The following KLHL2 variants were observed in gnomAD, a reference collection of about 807,000 sequenced individuals.
KLHL2 encodes the protein kelch like family member 2.
A neutral mutation model predicts 75.8 loss-of-function variants in KLHL2; 15 were observed. The ratio of observed to expected loss-of-function variants is 0.20; its 90% confidence interval spans 0.13 to 0.30. KLHL2 has a LOEUF of 0.30. Ranked by LOEUF, KLHL2 falls within the 10% of genes least tolerant of loss-of-function variation. KLHL2 has a pLI of 1.00. For missense variants in KLHL2, 381 were observed against 741.0 expected, an observed-to-expected ratio of 0.51 and a Z score of 5.64; for synonymous variants, 214 against 251.9, an observed-to-expected ratio of 0.85 and a Z score of 1.42.
intron 13 of KLHL2, 62 bp from the exon 14 acceptor site, chr4:165,317,764 A>C (rs2126588294): frequency 7.8e-7 from 1 of 1,274,418 alleles, no homozygotes; most frequent in African/African-American, 1.5e-5. Flanking sequence ...AAACATGTAC[A>C]GTGATACTCA....
intron 5 of KLHL2, among the ~76,000 whole-genome samples, chr4:165,274,077 C>A (rs1161363426): frequency 1.3e-5 from 2 of 151,850 alleles, no homozygotes; most frequent in African/African-American, 4.9e-5. Context: ...TTTTCTTTTT[C>A]TTTTTCTTTT....
chr4:165,242,110 T>C (rs1401332994), intron 4 of KLHL2, among the ~76,000 whole-genome samples: 1 of 152,210 alleles, frequency 6.6e-6, no homozygotes, highest in Admixed American at 6.5e-5. Flanking sequence ...TTTACAGGTT[T>C]TTTTTTAAAG....
chr4:165,264,765 T>TATAA lies in KLHL2; in HGVS notation c.544+1407_544+1408insTAAA, dbSNP rs1477707346. On this transcript the variant is annotated intron_variant, in intron 5 of 14. Transcript: ENST00000226725. ...GTATATATATATATATATATATATA[T>TATAA]AAAACATTATCCACTCATTGGCTGA... 2.5e-3 allele frequency among the ~76,000 whole-genome samples: 231 copies of TATAA among 94,044 alleles called. 3 individuals carry two copies. The highest frequency in any genetic ancestry group is 3.3e-3 in the Non-Finnish European group (165 of 50,246). 61.7% of individuals were successfully genotyped at this position (94,044 alleles called of 152,430 possible).
At chr4:165,297,775 C>A (rs747366677) in intron 7 of KLHL2, 50 bp downstream of exon 7, 1 of 1,063,934 alleles carries the variant, frequency 9.4e-7, no homozygotes, top group South Asian at 1.2e-5. Context: ...GTGTCACTGG[C>A]CTGACAGCAT....
At position 165,296,547 on chromosome 4, in the gene KLHL2, G is replaced by T. The variant is rs577940353; in HGVS notation, c.655-1062G>T. ...TTACTATATAAGGGTATGGATCTGG[G>T]AGATGTGGTTTATTAGGAGGCTATC... On this transcript the variant is annotated intron_variant, in intron 6 of 14. Transcript: ENST00000226725. Among the ~76,000 whole-genome samples the T allele has an allele frequency of 2.6e-4, 39 of 152,294 alleles. 1 individual carries two copies. In the South Asian group the frequency reaches 7.7e-3, roughly 30 times the overall value.
At chr4:165,270,940 G>A (rs913476389) in intron 5 of KLHL2, among the ~76,000 whole-genome samples, 3 of 152,124 alleles carry the variant, frequency 2.0e-5, no homozygotes, top group East Asian at 1.9e-4. Flanking sequence ...ATGCTTTGTC[G>A]AAGATCAGTT....
intron 5 of KLHL2, among the ~76,000 whole-genome samples, chr4:165,269,865 TG>T (rs1742546554): frequency 6.6e-6 from 1 of 152,182 alleles, no homozygotes; most frequent in African/African-American, 2.4e-5. Context: ...AATGTTGGCC[TG>T]CCTTGCTAGG....
chr4:165,291,579 G>T (rs1183809483), intron 5 of KLHL2, among the ~76,000 whole-genome samples: 1 of 152,158 alleles, frequency 6.6e-6, no homozygotes, highest in Admixed American at 6.6e-5. Context: ...TTGTTGAAAA[G>T]ACTCTTCTTT....
In KLHL2 at chr4:165,289,161, A is replaced by G. The variant is rs752976565; in HGVS notation, c.545-5198A>G. ...CAACAATCTCATTAAATTGCCTATC[A>G]GTAAATACTGTAGAACACTTGAAGA... is the stretch of plus-strand genomic sequence containing the variant. On this transcript the variant is annotated intron_variant, in intron 5 of 14. Coordinates refer to ENST00000226725, the MANE Select transcript of KLHL2 (RefSeq NM_007246.4). Among the ~76,000 whole-genome samples the G allele has an allele frequency of 3.0e-4, 45 of 152,308 alleles. No individual in the cohort carries two copies. In the Middle Eastern group the frequency reaches 0.01, roughly 35 times the overall value.
At chr4:165,237,871 C>T (rs1180605529) in intron 3 of KLHL2, among the ~76,000 whole-genome samples, 2 of 152,028 alleles carry the variant, frequency 1.3e-5, no homozygotes, top group African/African-American at 4.8e-5. Flanking sequence ...CATTCAATTG[C>T]TTGTGTCTCC....
rs1738410852 is a variant in KLHL2 at position 165,226,114 on chromosome 4, CAA to C, written c.153-2690_153-2689del. Among the ~76,000 whole-genome samples, 3 of 152,258 alleles carry C rather than the reference CAA, an allele frequency of 2.0e-5. No individual in the cohort carries two copies. In the South Asian group the frequency reaches 6.2e-4, roughly 32 times the overall value. ...CTAAAGCACTAGGAAGGATTACTGACAAAAGGAAAATAGGCATAAAGATGCAC... is the reference window on the plus strand; with the variant it reads ...CTAAAGCACTAGGAAGGATTACTGACAAGGAAAATAGGCATAAAGATGCAC... On this transcript the variant is annotated intron_variant, in intron 2 of 14. Transcript: ENST00000226725.
At chr4:165,261,400 G>C (rs550257498) in intron 4 of KLHL2, among the ~76,000 whole-genome samples, 33 of 152,320 alleles carry the variant, frequency 2.2e-4, no homozygotes, top group African/African-American at 7.9e-4. Flanking sequence ...GAGTGCGGTG[G>C]TGTGATCTCG....
rs1746847127 is a variant in KLHL2, at chr4:165,319,970, A to G, written c.1753+2001A>G. Among the ~76,000 whole-genome samples the G allele has an allele frequency of 6.6e-6, 1 of 152,156 alleles. No homozygotes were observed. Among genetic ancestry groups the G allele is most frequent in the African/African-American group, 2.4e-5 (1 of 41,432 alleles). On this transcript the variant is annotated intron_variant, in intron 14 of 14. Transcript: ENST00000226725. The surrounding 1 kb of genome is among the most constrained non-coding windows in gnomAD (Gnocchi z 4.5). The stretch of plus-strand genomic sequence containing the variant: ...GGATCTAAAGCTGGAGAATTTCCTC[A>G]GCCTACTCAAGCAAAGGATGACTTG...
chr4:165,270,281 A>G (rs1219516838), intron 5 of KLHL2, among the ~76,000 whole-genome samples: 1 of 152,124 alleles, frequency 6.6e-6, no homozygotes, highest in East Asian at 1.9e-4. Flanking sequence ...CCTTTAGCTC[A>G]GAGAAGTTTG....
intron 3 of KLHL2, among the ~76,000 whole-genome samples, chr4:165,238,341 G>A (rs1261554224): frequency 6.6e-6 from 1 of 152,174 alleles, no homozygotes. Context: ...AGGCATTTGT[G>A]TGTTTGTTGA....
intron 2 of KLHL2, among the ~76,000 whole-genome samples, chr4:165,221,604 A>G (rs994590012): frequency 2.0e-5 from 3 of 152,230 alleles, no homozygotes; most frequent in South Asian, 2.1e-4. Flanking sequence ...AGTTGCCTTG[A>G]GAGAAAGCCA....
chr4:165,217,148 A>G (rs1737602445), intron 1 of KLHL2, among the ~76,000 whole-genome samples: 3 of 152,226 alleles, frequency 2.0e-5, no homozygotes. Context: ...TCCTCAGTAT[A>G]ACATTCTTCC....
intron 2 of KLHL2, among the ~76,000 whole-genome samples, chr4:165,220,316 A>T (rs1737885042): frequency 6.6e-6 from 1 of 152,210 alleles, no homozygotes; most frequent in African/African-American, 2.4e-5. Context: ...GGTGAAAAAT[A>T]CACAGGGGAT....
intron 5 of KLHL2, among the ~76,000 whole-genome samples, chr4:165,273,005 GT>G (rs1468038302): frequency 1.3e-5 from 2 of 152,098 alleles, no homozygotes; most frequent in Non-Finnish European, 2.9e-5. Context: ...TCTGAATCTT[GT>G]ATTTGCTTGA....
Sources: gnomAD v4.1 joint callset for allele counts (sites outside exome capture counted in the v4.1 genomes callset) on GRCh38, gnomAD v4.1.1 for gene constraint, Gnocchi (gnomAD v3.1) non-coding constraint, MANE v1.5 for transcripts, NCBI Gene and HGNC (gene_info 2026-07-23, HGNC 2026-07-21) for gene names.